Variants in RASSF8 observed in about 807,000 individuals in gnomAD.
RASSF8 encodes the protein ras association domain-containing protein 8.
RASSF8 carries 22 observed loss-of-function variants against 48.5 expected under a neutral mutation model. The observed-to-expected ratio is 0.45, with a 90% CI of 0.32 to 0.65. RASSF8 has a LOEUF of 0.65. RASSF8 is among the 30% of genes least tolerant of loss of function. The pLI is 0.03. For synonymous variants in RASSF8, 127 were observed against 171.5 expected, an observed-to-expected ratio of 0.74 and a Z score of 2.03; for missense variants, 418 against 489.2, an observed-to-expected ratio of 0.85 and a Z score of 1.37.
chr12:26,035,584 AT>A (rs932799168), intron 2 of RASSF8, among the ~76,000 whole-genome samples: 78 of 143,614 alleles, frequency 5.4e-4, no homozygotes, highest in Admixed American at 1.6e-3. Context: ...TGTATATATA[AT>A]TTTATATTGT....
chr12:26,011,645 G>A (rs990027716), intron 2 of RASSF8: 5 of 152,196 alleles, frequency 3.3e-5, no homozygotes, highest in African/African-American at 4.8e-5. Flanking sequence ...TGAAAGTAGG[G>A]CCATCATAAA....
intron 2 of RASSF8, among the ~76,000 whole-genome samples, chr12:25,998,548 C>A (rs2136971852): frequency 6.6e-6 from 1 of 152,106 alleles, no homozygotes; most frequent in South Asian, 2.1e-4. Context: ...GGGGTTACAC[C>A]ATTTTGGCCA....
intron 3 of RASSF8, among the ~76,000 whole-genome samples, chr12:26,061,970 T>C (rs1179982956): frequency 1.3e-5 from 2 of 152,208 alleles, no homozygotes; most frequent in African/African-American, 4.8e-5. Flanking sequence ...AGGGTAGCAG[T>C]ACCAGTAAGC....
rs1174773773 is a variant in RASSF8, at chr12:26,072,476, A to G, written c.*3658A>G. ...ATAAATGCAGAAAACTATTTCGTAT[A>G]CTAATTATATTAAACCAGCAGAAAT... On this transcript the variant is annotated 3_prime_UTR_variant, in exon 6 of 6. Coordinates refer to ENST00000689635, the MANE Select transcript of RASSF8 (RefSeq NM_001394098.1). The G allele has an allele frequency of 5.2e-6, 5 of 961,396 alleles. No individual in the cohort carries two copies. The highest frequency in any genetic ancestry group is 6.2e-5 in the Admixed American group (1 of 16,242). 59.6% of individuals were successfully genotyped at this position (961,396 alleles called of 1,614,324 possible).
chr12:25,994,276 TTTAA>T (rs760658666), intron 1 of RASSF8, among the ~76,000 whole-genome samples: 470 of 30,936 alleles, frequency 0.015, 1 homozygote, highest in African/African-American at 0.034. Context: ...TGGATAGATT[TTTAA>T]AAAAAAAAAA....
intron 2 of RASSF8, among the ~76,000 whole-genome samples, chr12:26,034,701 C>T (rs546341287): frequency 6.6e-6 from 1 of 152,126 alleles, no homozygotes; most frequent in African/African-American, 2.4e-5. Flanking sequence ...AAGGAACCTC[C>T]TACTTTTTAC....
chr12:26,062,692 G>A (rs1288455813), intron 3 of RASSF8, among the ~76,000 whole-genome samples: 1 of 150,492 alleles, frequency 6.6e-6, no homozygotes, highest in African/African-American at 2.4e-5. Context: ...GCAAGGGAGG[G>A]GAAAAAATAA....
In RASSF8 at chr12:26,069,839, T is replaced by C. The variant is rs767164265; in HGVS notation, c.*1021T>C. 51 of 985,154 alleles carry C rather than the reference T, an allele frequency of 5.2e-5. No homozygotes were observed. The highest frequency in any genetic ancestry group is 6.0e-5 in the Non-Finnish European group (50 of 829,654). The allele number at this position is 985,154 out of a possible 1,614,324, so 61.0% of individuals were successfully genotyped here. Reference sequence around the variant, plus strand: ...AATTTGCTCTGCATATTATGGACCATTGTGGTTTCTTCCAGTCACTTAGAT... The same window carrying C: ...AATTTGCTCTGCATATTATGGACCACTGTGGTTTCTTCCAGTCACTTAGAT... On this transcript the variant is annotated 3_prime_UTR_variant, in exon 6 of 6. Coordinates refer to ENST00000689635, the MANE Select transcript of RASSF8 (RefSeq NM_001394098.1).
At chr12:26,023,640 G>A (rs900909231) in intron 2 of RASSF8, among the ~76,000 whole-genome samples, 2 of 151,530 alleles carry the variant, frequency 1.3e-5, no homozygotes, top group African/African-American at 2.4e-5. Context: ...AACTCCAGAC[G>A]GTAATTTGAA....
chr12:26,036,691 T>A (rs1943158067), intron 2 of RASSF8, among the ~76,000 whole-genome samples: 1 of 152,040 alleles, frequency 6.6e-6, no homozygotes, highest in Non-Finnish European at 1.5e-5. Context: ...GTGGATCACC[T>A]GAGGTCAGGA....
intron 3 of RASSF8, among the ~76,000 whole-genome samples, chr12:26,062,810 G>T (rs1943773720): frequency 1.3e-5 from 2 of 152,186 alleles, no homozygotes; most frequent in South Asian, 4.1e-4. Flanking sequence ...CGTGTTGAAT[G>T]CCTGCTGTGG....
chr12:26,079,312 T>C lies in RASSF8; in HGVS notation c.*239T>C, dbSNP rs965920352. 4 of 336,758 alleles carry C rather than the reference T, an allele frequency of 1.2e-5. No individual in the cohort carries two copies. The South Asian group carries it at 1.6e-4, about 13-fold the overall frequency. The allele number at this position is 336,758 out of a possible 1,614,324, so 20.9% of individuals were successfully genotyped here. The stretch of plus-strand genomic sequence containing the variant: ...TAAAAATGGTCAAAGGGGCTGGGCA[T>C]GGTGGCTCACGCCTGTAATCTCAGC... On this transcript the variant is annotated 3_prime_UTR_variant, in exon 6 of 6. Coordinates refer to the RASSF8 transcript ENST00000381352.
At chr12:25,958,530 G>GGAGCGGCGGCTGAAACCC (rs1941134452), upstream of RASSF8, 1 of 150,514 alleles carries the variant, frequency 6.6e-6, no homozygotes, top group Non-Finnish European at 1.5e-5. Context: ...GGGGCGCGGA[G>GGAGCGGCGGCTGAAACCC]GAGCGGCGGC....
intron 1 of RASSF8, among the ~76,000 whole-genome samples, chr12:25,962,797 A>G (rs1941267050): frequency 1.3e-5 from 2 of 152,140 alleles, no homozygotes; most frequent in South Asian, 4.2e-4. Context: ...CCAGACCCAC[A>G]CTTTTCTATA....
At chr12:26,002,130 C>T (rs10431215) in intron 2 of RASSF8, among the ~76,000 whole-genome samples, 56,498 of 151,988 alleles carry the variant, frequency 0.37, 11,223 homozygotes, top group Non-Finnish European at 0.45. Flanking sequence ...TATATAATTA[C>T]AATATATAAC....
chr12:26,059,668 C>G (rs994981990), intron 3 of RASSF8, among the ~76,000 whole-genome samples: 3 of 152,034 alleles, frequency 2.0e-5, no homozygotes, highest in Admixed American at 6.5e-5. Flanking sequence ...ATATTTATAA[C>G]AATAGTCTAA....
intron 1 of RASSF8, among the ~76,000 whole-genome samples, chr12:25,965,356 C>G (rs1039488688): frequency 5.5e-5 from 8 of 144,412 alleles, no homozygotes; most frequent in African/African-American, 2.1e-4. Context: ...ATCACTTTCC[C>G]AAATTTCTTT....
chr12:25,972,593 C>T (rs1000619651), intron 1 of RASSF8, among the ~76,000 whole-genome samples: 10 of 152,014 alleles, frequency 6.6e-5, no homozygotes, highest in African/African-American at 2.4e-5. Context: ...TGGGTAAATC[C>T]TTTTCTTTTT....
intron 3 of RASSF8, among the ~76,000 whole-genome samples, chr12:26,064,101 A>G (rs1216977694): frequency 6.6e-6 from 1 of 152,206 alleles, no homozygotes; most frequent in African/African-American, 2.4e-5. Context: ...AGTTCCACCT[A>G]GTTCCTGGAC....
Sources: gnomAD v4.1 joint callset for allele counts (sites outside exome capture counted in the v4.1 genomes callset) on GRCh38, gnomAD v4.1.1 for gene constraint, MANE v1.5 for transcripts, NCBI Gene and HGNC (gene_info 2026-07-23, HGNC 2026-07-21) for gene names.